GPSM1: variants seen among roughly 807,000 people sequenced by gnomAD.
The protein encoded by GPSM1 is G protein signaling modulator 1.
In GPSM1, 48 loss-of-function variants were observed where a neutral mutation model predicts 70.5. The ratio of observed to expected loss-of-function variants is 0.68; its 90% confidence interval spans 0.54 to 0.87. The LOEUF is 0.87. Ranked by LOEUF, GPSM1 falls within the 40% of genes least tolerant of loss-of-function variation. GPSM1 has a pLI of 0.00. For missense variants in GPSM1, 981 were observed against 972.6 expected (o/e 1.01, Z -0.11); for synonymous variants, 416 against 430.1 (o/e 0.97, Z 0.41).
In GPSM1 at chr9:136,348,901, A is replaced by G. The variant is rs1832590315; in HGVS notation, c.1278+134A>G. ...AGATAAATGTGCCCTCCTCGGCCTG[A>G]TGCCCTGCATGGCCCATCTGCCACC... On this transcript the variant is annotated intron_variant, in intron 10 of 13. Coordinates refer to ENST00000440944, the MANE Select transcript of GPSM1 (RefSeq NM_001145638.3). The G allele has an allele frequency of 9.0e-6, 6 of 666,564 alleles. 1 individual carries two copies. The Admixed American group carries it at 1.3e-4, about 14-fold the overall frequency. The allele number at this position is 666,564 out of a possible 1,614,324, so 41.3% of individuals were successfully genotyped here.
At chr9:136,348,447 G>C (rs1554771589) in intron 9 of GPSM1, among the ~76,000 whole-genome samples, 1 of 152,224 alleles carries the variant, frequency 6.6e-6, no homozygotes, top group African/African-American at 2.4e-5. Context: ...CCAGCACAGG[G>C]AGCCAAAGCC....
In GPSM1 at chr9:136,356,347, C is replaced by G. The variant is rs782578473; in HGVS notation, c.1618C>G (p.Pro540Ala). 5 of 1,583,880 alleles carry G rather than the reference C, an allele frequency of 3.2e-6. No individual in the cohort carries two copies. Among genetic ancestry groups the G allele is most frequent in the Non-Finnish European group, 3.4e-6 (4 of 1,163,500 alleles). The change falls in exon 13 of 14, where the codon CCC (proline) becomes GCC (alanine). Residue 540 changes from proline to alanine, a missense_variant. Transcript: ENST00000440944. Reference protein sequence around the residue: ...APTLEDRIAQPSMTASPQTEE... With the variant: ...APTLEDRIAQASMTASPQTEE... Reference sequence around the variant, plus strand: ...CACCCTCTGGCCCCCCGCAGCCCAGCCCTCGATGACGGCCTCGCCCCAGAC... The same window carrying G: ...CACCCTCTGGCCCCCCGCAGCCCAGGCCTCGATGACGGCCTCGCCCCAGAC...
At position 136,340,655 on chromosome 9, in the gene GPSM1, G is replaced by T. The variant is rs1554770045; in HGVS notation, c.1084-215G>T. ...CTGGGGTGAACTAGGGGCTGTTGAGGACCTGTGGGGCCACCTCACCCAGGG... is the reference window on the plus strand; with the variant it reads ...CTGGGGTGAACTAGGGGCTGTTGAGTACCTGTGGGGCCACCTCACCCAGGG... On this transcript the variant is annotated intron_variant, in intron 8 of 13. Coordinates refer to ENST00000440944, the MANE Select transcript of GPSM1 (RefSeq NM_001145638.3). The surrounding 1 kb of genome is among the most constrained non-coding windows in gnomAD (Gnocchi z 7.3). Among the ~76,000 whole-genome samples, 1 of 152,048 alleles carries T rather than the reference G, an allele frequency of 6.6e-6. No individual in the cohort carries two copies. The highest frequency in any genetic ancestry group is 2.1e-4 in the South Asian group (1 of 4,828).
At chr9:136,329,936 C>T (rs1832063761) in intron 1 of GPSM1, among the ~76,000 whole-genome samples, 2 of 147,358 alleles carry the variant, frequency 1.4e-5, no homozygotes, top group African/African-American at 5.1e-5. Flanking sequence ...CCCCTGGGTG[C>T]TGGGTCGGTG....
chr9:136,355,917 G>C lies in GPSM1; in HGVS notation c.1612+71G>C, dbSNP rs376903018. On this transcript the variant is annotated intron_variant, in intron 12 of 13. Coordinates refer to ENST00000440944, the MANE Select transcript of GPSM1 (RefSeq NM_001145638.3). ...GGGCCAGGACCAGGGCTCCCGTCCT[G>C]CTTCCAGTGAGGAGTTTTCGGGGGC... The C allele has an allele frequency of 8.6e-5, 115 of 1,334,388 alleles. No homozygotes were observed. The African/African-American group carries it at 1.5e-3, about 17-fold the overall frequency. 82.7% of individuals were successfully genotyped at this position (1,334,388 alleles called of 1,614,324 possible). A position where few individuals can be genotyped will look rare whatever the true frequency, so the allele number is the denominator to read the frequency against.
chr9:136,355,903 A>T, intron 12 of GPSM1, 57 bp downstream of exon 12: 1 of 1,426,742 alleles, frequency 7.0e-7, no homozygotes, highest in South Asian at 1.2e-5. Flanking sequence ...GGCCAGGACC[A>T]GGGCTCCCGT....
chr9:136,358,282 C>CA lies in GPSM1; in HGVS notation c.*63dup. ...CTCCTGGACGCCGGTCTCACAGTCACAGCCACGTCCTCCCGAGGCCATTGC... is the reference window on the plus strand; with the variant it reads ...CTCCTGGACGCCGGTCTCACAGTCACAAGCCACGTCCTCCCGAGGCCATTGC... On this transcript the variant is annotated 3_prime_UTR_variant, in exon 14 of 14. Transcript: ENST00000440944. The CA allele has an allele frequency of 1.5e-6, 2 of 1,371,178 alleles. No homozygotes were observed. Among genetic ancestry groups the CA allele is most frequent in the South Asian group, 2.5e-5 (2 of 80,298 alleles). The allele number at this position is 1,371,178 out of a possible 1,614,324, so 84.9% of individuals were successfully genotyped here. A position where few individuals can be genotyped will look rare whatever the true frequency, so the allele number is the denominator to read the frequency against.
intron 3 of GPSM1, 45 bp from the exon 4 acceptor site, chr9:136,336,875 TG>T (rs781782817): frequency 5.9e-6 from 9 of 1,525,098 alleles, no homozygotes; most frequent in Middle Eastern, 1.7e-4. Context: ...GCACATCGTG[TG>T]GGGGGCCGTG....
intron 6 of GPSM1, 58 bp from the exon 7 acceptor site, chr9:136,338,497 C>T: frequency 1.3e-6 from 2 of 1,530,818 alleles, no homozygotes; most frequent in Non-Finnish European, 1.8e-6. Flanking sequence ...CCATTCTTAC[C>T]TTCCACCCCT....
At chr9:136,349,119 G>T (rs1554771687) in intron 10 of GPSM1, among the ~76,000 whole-genome samples, 1 of 152,256 alleles carries the variant, frequency 6.6e-6, no homozygotes, top group Non-Finnish European at 1.5e-5. Context: ...GCTGCTGCAG[G>T]TGCAGACACT....
At chr9:136,344,012 G>A (rs1301388810) in intron 9 of GPSM1, among the ~76,000 whole-genome samples, 1 of 152,146 alleles carries the variant, frequency 6.6e-6, no homozygotes, top group African/African-American at 2.4e-5. Flanking sequence ...GCACTGCTGG[G>A]GCCCTCACTG....
chr9:136,338,086 G>A, intron 6 of GPSM1, 125 bp downstream of exon 6: 2 of 669,438 alleles, frequency 3.0e-6, no homozygotes, highest in East Asian at 2.7e-5. Flanking sequence ...AAGGCAAGGT[G>A]GGGTTCTAGG....
intron 7 of GPSM1, 113 bp downstream of exon 7, chr9:136,338,823 T>G (rs928158117): frequency 9.7e-6 from 11 of 1,132,736 alleles, no homozygotes; most frequent in African/African-American, 3.1e-5. Flanking sequence ...GACCATGCTG[T>G]GACCCAGGAG....
intron 9 of GPSM1, among the ~76,000 whole-genome samples, chr9:136,348,279 G>A (rs887232034): frequency 5.3e-5 from 8 of 152,146 alleles, no homozygotes; most frequent in South Asian, 2.1e-4. Flanking sequence ...ACCTGCCTCC[G>A]GGGCACAGCA....
Position 136,342,481 on chromosome 9 carries a change from C to G in GPSM1, c.1207+1488C>G, listed in dbSNP as rs1380311617. On this transcript the variant is annotated intron_variant, in intron 9 of 13. Coordinates refer to ENST00000440944, the MANE Select transcript of GPSM1 (RefSeq NM_001145638.3). The surrounding 1 kb of genome is among the most constrained non-coding windows in gnomAD (Gnocchi z 5.5). ...GCGGGACCCCTTCCAGCCGGCCGGA[C>G]GCCTCCTCCCCCAGGGCTGGGGAAG... 6.6e-6 allele frequency among the ~76,000 whole-genome samples: 1 copy of G among 152,084 alleles called. No homozygotes were observed.
chr9:136,356,064 G>T (rs1554773068), intron 12 of GPSM1, among the ~76,000 whole-genome samples: 5 of 152,162 alleles, frequency 3.3e-5, no homozygotes, highest in African/African-American at 1.2e-4. Context: ...GGCTGCAGGG[G>T]CAGTCTCAGG....
At chr9:136,353,094 G>T in intron 11 of GPSM1, 1 of 985,494 alleles carries the variant, frequency 1.0e-6, no homozygotes, top group Non-Finnish European at 1.2e-6. Context: ...TCCTGCCTGC[G>T]CTCTGTGTGG....
In GPSM1 at chr9:136,341,807, T is replaced by A; in HGVS notation, c.1207+814T>A. 1.0e-6 allele frequency: 1 copy of A among 977,274 alleles called. No homozygotes were observed. The highest frequency in any genetic ancestry group is 1.2e-6 in the Non-Finnish European group (1 of 822,536). The allele number at this position is 977,274 out of a possible 1,614,324, so 60.5% of individuals were successfully genotyped here. ...GCTGCCGGAGTTTCTTTTTCTTATC[T>A]TATTTTTAATAATTAAATGTTTTTA... On this transcript the variant is annotated intron_variant, in intron 9 of 13. Coordinates refer to ENST00000440944, the MANE Select transcript of GPSM1 (RefSeq NM_001145638.3). The surrounding 1 kb of genome is among the most constrained non-coding windows in gnomAD (Gnocchi z 6.7).
chr9:136,349,819 G>GC (rs1469432384), intron 11 of GPSM1, 56 bp downstream of exon 11: 1 of 1,468,140 alleles, frequency 6.8e-7, no homozygotes, highest in Non-Finnish European at 9.1e-7. Context: ...TGGCAACTGC[G>GC]CCCCAACTCC....
Sources: allele counts gnomAD v4.1 joint callset (sites outside exome capture counted in the v4.1 genomes callset), GRCh38; gene constraint gnomAD v4.1.1; non-coding constraint Gnocchi (gnomAD v3.1); transcripts MANE v1.5; gene names NCBI Gene and HGNC (gene_info 2026-07-23, HGNC 2026-07-21).